Variants in ERRFI1 observed in about 807,000 individuals in gnomAD.
ERRFI1 encodes the protein mitogen-inducible gene 6 protein.
Under a neutral mutation model 14.6 loss-of-function variants are expected in ERRFI1, and 12 were observed. The observed-to-expected ratio is 0.82, with a 90% CI of 0.53 to 1.33. The LOEUF (loss-of-function observed/expected upper bound fraction) is 1.33, where lower values mean the gene tolerates loss of function less well. Ranked by LOEUF, ERRFI1 falls within the 40% of genes most tolerant of loss-of-function variation. ERRFI1 has a pLI of 0.00. For synonymous variants in ERRFI1, 202 were observed against 209.9 expected (o/e 0.96, Z 0.32); for missense variants, 482 against 572.1 (o/e 0.84, Z 1.61).
At chr1:8,018,695 A>C (rs1470223204) in intron 1 of ERRFI1, among the ~76,000 whole-genome samples, 1 of 152,222 alleles carries the variant, frequency 6.6e-6, no homozygotes. Context: ...AGTGGGTCTA[A>C]AATGCAGTTA....
Position 8,013,033 on chromosome 1 carries a change from G to C in ERRFI1, c.*177C>G. 1.7e-6 allele frequency: 1 copy of C among 589,320 alleles called. No homozygotes were observed. The highest frequency in any genetic ancestry group is 2.9e-6 in the Non-Finnish European group (1 of 345,442). The allele number at this position is 589,320 out of a possible 1,614,324, so 36.5% of individuals were successfully genotyped here. ...AAGACTTTTTTCCAACACTAACAAA[G>C]TCAGGGTTTCTCAGCATAACAGCAT... On this transcript the variant is annotated 3_prime_UTR_variant, in exon 4 of 4. Transcript: ENST00000377482. This position sits in a 1 kb window ranked among gnomAD's most constrained non-coding sequence, Gnocchi z 4.3.
chr1:8,015,216 T>C (rs1194703250), intron 3 of ERRFI1, 92 bp downstream of exon 3: 9 of 1,135,284 alleles, frequency 7.9e-6, no homozygotes, highest in Non-Finnish European at 1.1e-5. Flanking sequence ...TCAGGTTTCC[T>C]CATTTAAAAA....
intron 1 of ERRFI1, among the ~76,000 whole-genome samples, chr1:8,021,070 GT>G (rs1345402909): frequency 6.6e-6 from 1 of 152,134 alleles, no homozygotes; most frequent in Non-Finnish European, 1.5e-5. Context: ...TTAAAATATA[GT>G]TCAGTGTGGC....
rs545585582 is a variant in ERRFI1 at position 8,016,853 on chromosome 1, G to A, written c.-73-1161C>T. Among the ~76,000 whole-genome samples the A allele has an allele frequency of 1.1e-3, 161 of 151,844 alleles. 1 individual carries two copies. Among genetic ancestry groups the A allele is most frequent in the African/African-American group, 3.8e-3 (159 of 41,404 alleles). On this transcript the variant is annotated intron_variant, in intron 1 of 3. Transcript: ENST00000377482. ...GAGTGCTGGGCACTGTGCAAAGGCTGGGCACTGTGCAAATGTGACACATTT... is the reference window on the plus strand; with the variant it reads ...GAGTGCTGGGCACTGTGCAAAGGCTAGGCACTGTGCAAATGTGACACATTT...
chr1:8,021,449 T>C (rs1641273149), intron 1 of ERRFI1, among the ~76,000 whole-genome samples: 1 of 152,180 alleles, frequency 6.6e-6, no homozygotes, highest in African/African-American at 2.4e-5. Context: ...TAACTATATA[T>C]ACACACAGAG....
intron 1 of ERRFI1, among the ~76,000 whole-genome samples, chr1:8,016,281 C>T (rs192100765): frequency 5.9e-5 from 9 of 152,306 alleles, no homozygotes. Flanking sequence ...TCTCCAGTTA[C>T]TACTTGTTCA....
chr1:8,020,838 C>G (rs1388740923), intron 1 of ERRFI1, among the ~76,000 whole-genome samples: 1 of 152,132 alleles, frequency 6.6e-6, no homozygotes, highest in Non-Finnish European at 1.5e-5. Context: ...AGATACCACG[C>G]CCGGCCCAGA....
intron 1 of ERRFI1, among the ~76,000 whole-genome samples, chr1:8,020,746 C>T (rs950226956): frequency 2.6e-5 from 4 of 151,976 alleles, no homozygotes; most frequent in African/African-American, 9.7e-5. Flanking sequence ...GGTTTCTCCA[C>T]ATTGGTCAGG....
chr1:8,018,388 C>T (rs1288824211), intron 1 of ERRFI1, among the ~76,000 whole-genome samples: 2 of 62,468 alleles, frequency 3.2e-5, no homozygotes, highest in South Asian at 5.4e-4. Flanking sequence ...GGGGGGGGGG[C>T]GCGGAGTAAA....
At chr1:8,023,722 A>C (rs2124078296) in intron 1 of ERRFI1, among the ~76,000 whole-genome samples, 1 of 152,286 alleles carries the variant, frequency 6.6e-6, no homozygotes. Context: ...CCACCTTCTG[A>C]AATCTGAACC....
At chr1:8,022,790 TTA>T (rs1641291328) in intron 1 of ERRFI1, among the ~76,000 whole-genome samples, 1 of 152,214 alleles carries the variant, frequency 6.6e-6, no homozygotes, top group African/African-American at 2.4e-5. Context: ...TCAAAAATTC[TTA>T]GAGGGCAAGG....
At chr1:8,014,425 G>C (rs912712325) in intron 3 of ERRFI1, 29 bp from the exon 4 acceptor site, 4 of 1,525,746 alleles carry the variant, frequency 2.6e-6, no homozygotes, top group East Asian at 2.3e-5. Flanking sequence ...ATTAATAAAA[G>C]ATCAACAATC....
At position 8,012,272 on chromosome 1, in the gene ERRFI1, AG is replaced by A. The variant is rs1641096397; in HGVS notation, c.*937del. 3 of 230,236 alleles carry A rather than the reference AG, an allele frequency of 1.3e-5. No individual in the cohort carries two copies. In the East Asian group the frequency reaches 1.8e-4, roughly 14 times the overall value. The allele number at this position is 230,236 out of a possible 1,614,324, so 14.3% of individuals were successfully genotyped here. On this transcript the variant is annotated 3_prime_UTR_variant, in exon 4 of 4. Coordinates refer to ENST00000377482, the MANE Select transcript of ERRFI1 (RefSeq NM_018948.4). ...TTATTAATACAGTCTAAAAAAAAAA[AG>A]CAAAACCACAACACACATCCCCAAA...
At chr1:8,015,103 T>G (rs1474169209) in intron 3 of ERRFI1, 1 of 565,636 alleles carries the variant, frequency 1.8e-6, no homozygotes, top group Non-Finnish European at 3.2e-6. Context: ...TACTTAGCAA[T>G]CAGTGACTCA....
At chr1:8,025,878 AGGC>A in intron 1 of ERRFI1, among the ~76,000 whole-genome samples, 1 of 151,558 alleles carries the variant, frequency 6.6e-6, no homozygotes, top group African/African-American at 2.4e-5. Context: ...GGCGTGGAGA[AGGC>A]GGCGGGCGCC....
intron 1 of ERRFI1, among the ~76,000 whole-genome samples, chr1:8,017,440 T>C (rs776974159): frequency 6.6e-6 from 1 of 152,200 alleles, no homozygotes; most frequent in African/African-American, 2.4e-5. Context: ...TTAAGAATTC[T>C]AATTGAGAGG....
intron 1 of ERRFI1, among the ~76,000 whole-genome samples, chr1:8,020,011 C>T (rs1274724933): frequency 6.6e-6 from 1 of 151,640 alleles, no homozygotes; most frequent in Admixed American, 6.6e-5. Flanking sequence ...AAGCACACTG[C>T]ACCTTCTTCA....
intron 1 of ERRFI1, among the ~76,000 whole-genome samples, chr1:8,016,985 GA>G (rs1641184542): frequency 1.3e-5 from 2 of 151,818 alleles, no homozygotes; most frequent in Non-Finnish European, 2.9e-5. Flanking sequence ...CTAAGCTCAG[GA>G]CAGAGGCTGT....
chr1:8,014,647 C>T (rs1641146004), intron 3 of ERRFI1: 2 of 466,984 alleles, frequency 4.3e-6, no homozygotes, highest in East Asian at 6.7e-5. Context: ...ACAGCGCACA[C>T]CCACACATCA....
Sources: allele counts gnomAD v4.1 joint callset (sites outside exome capture counted in the v4.1 genomes callset), GRCh38; gene constraint gnomAD v4.1.1; non-coding constraint Gnocchi (gnomAD v3.1); transcripts MANE v1.5; gene names NCBI Gene and HGNC (gene_info 2026-07-23, HGNC 2026-07-21).